PTBP2: variants seen among roughly 807,000 people sequenced by gnomAD.
The protein encoded by PTBP2 is polypyrimidine tract binding protein 2, also known as polypyrimidine tract-binding protein 2.
In PTBP2, 13 loss-of-function variants were observed where a neutral mutation model predicts 61.4. That is an observed-to-expected ratio of 0.21 (90% CI 0.14 to 0.34). The LOEUF (loss-of-function observed/expected upper bound fraction) is 0.34. PTBP2 is among the 10% of genes least tolerant of loss of function. The pLI, the probability that PTBP2 is intolerant of heterozygous loss-of-function variation, is 1.00. For synonymous variants in PTBP2, 215 were observed against 218.5 expected, an observed-to-expected ratio of 0.98 and a Z score of 0.14; for missense variants, 405 against 642.6, an observed-to-expected ratio of 0.63 and a Z score of 4.00.
chr1:96,737,482 A>G (rs1459782363), intron 2 of PTBP2, among the ~76,000 whole-genome samples: 1 of 152,142 alleles, frequency 6.6e-6, no homozygotes, highest in East Asian at 1.9e-4. Context: ...GGCAAAAAAA[A>G]AGGAAAGACA....
At chr1:96,798,308 A>G (rs531894772) in intron 8 of PTBP2, among the ~76,000 whole-genome samples, 4 of 152,150 alleles carry the variant, frequency 2.6e-5, no homozygotes, top group Non-Finnish European at 5.9e-5. Context: ...CAGGAGGCTG[A>G]GTCAGGAGAA....
intron 2 of PTBP2, among the ~76,000 whole-genome samples, chr1:96,725,100 G>A (rs1650210216): frequency 1.3e-5 from 2 of 152,144 alleles, no homozygotes; most frequent in Admixed American, 1.3e-4. Flanking sequence ...AATAGCTAAA[G>A]ATTGCAAAAT....
At chr1:96,820,065 A>G (rs1340228403) in exon 14 of PTBP2, 2 of 152,030 alleles carry the variant, frequency 1.3e-5, no homozygotes, top group Non-Finnish European at 2.9e-5. Flanking sequence ...TGGAAAAAGC[A>G]TAGACATTGA....
At chr1:96,805,076 T>C in intron 9 of PTBP2, 137 bp downstream of exon 9, 1 of 655,788 alleles carries the variant, frequency 1.5e-6, no homozygotes, top group Non-Finnish European at 2.4e-6. Context: ...TGTTTCTACT[T>C]CTGAATAAAA....
At chr1:96,791,835 T>TTTTTTTTTTGTTTTTTTG (rs1557759220) in intron 8 of PTBP2, among the ~76,000 whole-genome samples, 6 of 30,514 alleles carry the variant, frequency 2.0e-4, no homozygotes, top group African/African-American at 1.1e-3. Flanking sequence ...GCTTTTTTTT[T>TTTTTTTTTTGTTTTTTTG]TTTTTTTTTT....
intron 2 of PTBP2, among the ~76,000 whole-genome samples, chr1:96,736,988 CT>C (rs776900400): frequency 1.2e-4 from 14 of 116,246 alleles, no homozygotes; most frequent in Non-Finnish European, 8.1e-5. Flanking sequence ...TTCTTTCTTT[CT>C]TTTTTTTTTA....
intron 8 of PTBP2, among the ~76,000 whole-genome samples, chr1:96,791,832 T>TTTGTTTTTG (rs1346568221): frequency 7.5e-6 from 1 of 132,896 alleles, no homozygotes; most frequent in Admixed American, 7.4e-5. Context: ...TGTGCTTTTT[T>TTTGTTTTTG]TTTTTTTTTT....
At chr1:96,783,448 G>T (rs76340842) in intron 7 of PTBP2, among the ~76,000 whole-genome samples, 12,406 of 152,060 alleles carry the variant, frequency 0.082, 566 homozygotes, top group African/African-American at 0.1. Flanking sequence ...TTCATTGTTA[G>T]ATAATTTGGC....
Position 96,813,894 on chromosome 1 carries a change from AT to A in PTBP2, c.*490del, listed in dbSNP as rs2101283160. ...GGCTTGTCACCTTTTTTTCTATTTA[AT>A]CAAATAAGATACATGATATTGAAAG... On this transcript the variant is annotated 3_prime_UTR_variant, in exon 14 of 14. Transcript: ENST00000674951. The A allele has an allele frequency of 6.6e-6, 1 of 152,318 alleles. No homozygotes were observed. The highest frequency in any genetic ancestry group is 1.5e-5 in the Non-Finnish European group (1 of 67,886). 9.4% of individuals were successfully genotyped at this position (152,318 alleles called of 1,614,324 possible).
At chr1:96,762,890 C>A (rs1402134584) in intron 3 of PTBP2, among the ~76,000 whole-genome samples, 1 of 151,316 alleles carries the variant, frequency 6.6e-6, no homozygotes, top group Admixed American at 6.6e-5. Flanking sequence ...ACGCTCCTCA[C>A]CTCCCAGACG....
intron 1 of PTBP2, 93 bp downstream of exon 1, chr1:96,721,965 C>T: frequency 1.3e-6 from 2 of 1,515,560 alleles, no homozygotes; most frequent in Non-Finnish European, 9.0e-7. Context: ...CCTCCCGCGG[C>T]CCCTCCCAGG....
At chr1:96,722,802 G>C (rs557348477) in intron 1 of PTBP2, among the ~76,000 whole-genome samples, 12 of 152,282 alleles carry the variant, frequency 7.9e-5, no homozygotes, top group East Asian at 1.9e-4. Flanking sequence ...AGTGAGGTGA[G>C]AGGCAAGACT....
At chr1:96,780,280 T>C (rs1658509354) in intron 7 of PTBP2, among the ~76,000 whole-genome samples, 1 of 152,000 alleles carries the variant, frequency 6.6e-6, no homozygotes, top group Non-Finnish European at 1.5e-5. Context: ...CATTCTCAGC[T>C]TCTTTCATTT....
intron 5 of PTBP2, among the ~76,000 whole-genome samples, chr1:96,776,961 T>G (rs1471171753): frequency 6.6e-6 from 1 of 152,034 alleles, no homozygotes. Context: ...TAATTAATGG[T>G]GTATTTGATA....
intron 11 of PTBP2, among the ~76,000 whole-genome samples, chr1:96,810,555 C>A (rs1661975251): frequency 6.6e-6 from 1 of 152,148 alleles, no homozygotes; most frequent in South Asian, 2.1e-4. Flanking sequence ...TAATCCCATT[C>A]CTCTATCACT....
Position 96,749,707 on chromosome 1 carries a change from A to G in PTBP2, c.40-1718A>G, listed in dbSNP as rs116337784. ...ATAACGTAATTCACTTACTTAGTCAATAAATATGTGGGGACATTGTACTTG... is the reference window on the plus strand; with the variant it reads ...ATAACGTAATTCACTTACTTAGTCAGTAAATATGTGGGGACATTGTACTTG... On this transcript the variant is annotated intron_variant, in intron 2 of 13. Coordinates refer to ENST00000674951, the MANE Select transcript of PTBP2 (RefSeq NM_021190.4). 678 of 454,942 alleles carry G rather than the reference A, an allele frequency of 1.5e-3. 2 individuals are homozygous for G. Among genetic ancestry groups the G allele is most frequent in the African/African-American group, 0.01 (502 of 50,186 alleles). The allele number at this position is 454,942 out of a possible 1,614,324, so 28.2% of individuals were successfully genotyped here.
At chr1:96,756,976 G>A (rs1009278636) in intron 3 of PTBP2, among the ~76,000 whole-genome samples, 2 of 152,180 alleles carry the variant, frequency 1.3e-5, no homozygotes, top group African/African-American at 4.8e-5. Context: ...TTGTAACAAT[G>A]TGCCATCTGG....
intron 3 of PTBP2, among the ~76,000 whole-genome samples, chr1:96,768,428 A>G (rs888510754): frequency 5.9e-5 from 9 of 152,062 alleles, no homozygotes; most frequent in African/African-American, 2.2e-4. Context: ...GTTGTGTTGA[A>G]TGTTTTAGGA....
chr1:96,721,793 T>C lies in PTBP2; in HGVS notation c.-72T>C. 1 of 1,545,736 alleles carries C rather than the reference T, an allele frequency of 6.5e-7. No individual in the cohort carries two copies. Among genetic ancestry groups the C allele is most frequent in the Non-Finnish European group, 8.7e-7 (1 of 1,143,454 alleles). On this transcript the variant is annotated 5_prime_UTR_variant, in exon 1 of 14. Coordinates refer to ENST00000674951, the MANE Select transcript of PTBP2 (RefSeq NM_021190.4). ...ATTTCCGTCGGGCCCCAGCCGCCATTTTCTCGCCGCTTGTGTGGCTCGCTG... is the reference window on the plus strand; with the variant it reads ...ATTTCCGTCGGGCCCCAGCCGCCATCTTCTCGCCGCTTGTGTGGCTCGCTG...
Sources: gnomAD v4.1 joint callset for allele counts (sites outside exome capture counted in the v4.1 genomes callset) on GRCh38, gnomAD v4.1.1 for gene constraint, MANE v1.5 for transcripts, NCBI Gene and HGNC (gene_info 2026-07-23, HGNC 2026-07-21) for gene names.